EML1: variants seen among roughly 807,000 people sequenced by gnomAD.
EML1 encodes the protein echinoderm microtubule-associated protein-like 1.
A neutral mutation model predicts 110.4 loss-of-function variants in EML1; 27 were observed. The ratio of observed to expected loss-of-function variants is 0.24; its 90% CI spans 0.18 to 0.34. The LOEUF is 0.34. Among genes scored for constraint, EML1 ranks in the 10% least tolerant of loss-of-function variants. The probability of loss-of-function intolerance (pLI) is 1.00; values close to 1 mark genes in which losing one functional copy is unlikely to be tolerated. For missense variants in EML1, 741 were observed against 1,030.9 expected, an observed-to-expected ratio of 0.72 and a Z score of 3.85; for synonymous variants, 344 against 385.8, an observed-to-expected ratio of 0.89 and a Z score of 1.27.
chr14:99,856,538 CT>C (rs2058904860), intron 2 of EML1, among the ~76,000 whole-genome samples: 1 of 152,172 alleles, frequency 6.6e-6, no homozygotes, highest in South Asian at 2.1e-4. Context: ...GAGCAAGTGG[CT>C]TTTGCTTTTT....
At chr14:99,889,621 G>A (rs1263016946) in intron 4 of EML1, among the ~76,000 whole-genome samples, 1 of 152,218 alleles carries the variant, frequency 6.6e-6, no homozygotes, top group African/African-American at 2.4e-5. Flanking sequence ...AGTGGCCTGA[G>A]AGTGGCTGAC....
At position 99,907,629 on chromosome 14, in the gene EML1, T is replaced by C. The variant is rs1424066426; in HGVS notation, c.1009-9T>C. ...GATATAGTCTTCCTGTGAATAACTT[T>C]CTTTTCAGAATGGAGGAACCAATCT... is the stretch of plus-strand genomic sequence containing the variant. On this transcript the variant is annotated splice_polypyrimidine_tract_variant and intron_variant, in intron 9 of 21. Coordinates refer to ENST00000262233, the MANE Select transcript of EML1 (RefSeq NM_004434.3). The C allele has an allele frequency of 6.2e-7, 1 of 1,613,456 alleles. No homozygotes were observed. Among genetic ancestry groups the C allele is most frequent in the Non-Finnish European group, 8.5e-7 (1 of 1,179,638 alleles).
intron 1 of EML1, among the ~76,000 whole-genome samples, chr14:99,821,423 C>T (rs753955336): frequency 5.9e-5 from 9 of 152,134 alleles, no homozygotes; most frequent in African/African-American, 9.7e-5. Flanking sequence ...GAGGCTGAGA[C>T]GGGGGAATCA....
upstream of EML1, among the ~76,000 whole-genome samples, chr14:99,790,482 C>T (rs2057651539): frequency 6.8e-6 from 1 of 148,058 alleles, no homozygotes; most frequent in Non-Finnish European, 1.5e-5. Flanking sequence ...GGACTACAGG[C>T]ACACACCACC....
intron 1 of EML1, among the ~76,000 whole-genome samples, chr14:99,810,486 G>A (rs1337265266): frequency 6.6e-6 from 1 of 152,182 alleles, no homozygotes; most frequent in African/African-American, 2.4e-5. Context: ...CATAGATGAG[G>A]AAACTGAGGG....
intron 1 of EML1, among the ~76,000 whole-genome samples, chr14:99,753,227 C>T (rs1201364243): frequency 2.1e-5 from 3 of 144,742 alleles, no homozygotes; most frequent in East Asian, 4.3e-4. Context: ...CCCCCACTGC[C>T]CCCGCACCTG....
At chr14:99,822,966 C>G (rs2058288889) in intron 1 of EML1, among the ~76,000 whole-genome samples, 1 of 152,160 alleles carries the variant, frequency 6.6e-6, no homozygotes, top group Non-Finnish European at 1.5e-5. Context: ...GTCACCAGTC[C>G]AATCCATCTG....
intron 1 of EML1, among the ~76,000 whole-genome samples, chr14:99,802,163 C>G (rs562693177): frequency 6.6e-6 from 1 of 151,636 alleles, no homozygotes; most frequent in Non-Finnish European, 1.5e-5. Context: ...GCCAGGGAAG[C>G]GTCTAAGAAG....
upstream of EML1, among the ~76,000 whole-genome samples, chr14:99,793,163 C>T (rs2057698933): frequency 6.8e-6 from 1 of 147,776 alleles, no homozygotes; most frequent in Non-Finnish European, 1.5e-5. Context: ...GCTCCCAGGC[C>T]GCCCGGGCCG....
At chr14:99,813,480 C>G (rs934157314) in intron 1 of EML1, among the ~76,000 whole-genome samples, 1 of 152,014 alleles carries the variant, frequency 6.6e-6, no homozygotes, top group Non-Finnish European at 1.5e-5. Flanking sequence ...TGTGGGAGGC[C>G]GAGGCAGAAG....
intron 1 of EML1, among the ~76,000 whole-genome samples, chr14:99,836,158 C>T (rs1459634261): frequency 2.6e-5 from 4 of 152,116 alleles, no homozygotes; most frequent in East Asian, 1.9e-4. Flanking sequence ...TTTTCTAATC[C>T]GTGAACATGG....
At chr14:99,917,874 T>G (rs1254066479) in intron 16 of EML1, 25 bp downstream of exon 16, 2 of 1,612,870 alleles carry the variant, frequency 1.2e-6, no homozygotes. Context: ...ACAGCGCTTG[T>G]GCTTGCAAAG....
At chr14:99,838,918 C>CGCGCGTGTGTGG (rs3071409) in intron 1 of EML1, 1 of 33,614 alleles carries the variant, frequency 3.0e-5, no homozygotes. Flanking sequence ...CGCGCGCGCG[C>CGCGCGTGTGTGG]GTGTGTGTGT....
chr14:99,889,116 C>G (rs967453958), intron 4 of EML1, among the ~76,000 whole-genome samples: 4 of 152,130 alleles, frequency 2.6e-5, no homozygotes, highest in Non-Finnish European at 5.9e-5. Flanking sequence ...GCTGGCCACC[C>G]CCGAAGGAAG....
intron 17 of EML1, among the ~76,000 whole-genome samples, chr14:99,935,113 A>G (rs1344951442): frequency 6.6e-6 from 1 of 152,190 alleles, no homozygotes; most frequent in African/African-American, 2.4e-5. Flanking sequence ...GGGCCCTTCC[A>G]AGGAATTGAG....
chr14:99,923,165 C>G (rs938586765), intron 17 of EML1, among the ~76,000 whole-genome samples: 1 of 152,194 alleles, frequency 6.6e-6, no homozygotes, highest in African/African-American at 2.4e-5. Context: ...TGGTCTTGAA[C>G]TCCTGGGCCC....
intron 3 of EML1, among the ~76,000 whole-genome samples, chr14:99,869,103 T>C (rs536027037): frequency 6.6e-6 from 1 of 152,368 alleles, no homozygotes; most frequent in South Asian, 2.1e-4. Context: ...TGACTTTTTA[T>C]TGTAGCAAAT....
intron 1 of EML1, among the ~76,000 whole-genome samples, chr14:99,825,197 G>T (rs754322560): frequency 2.0e-5 from 3 of 152,004 alleles, no homozygotes; most frequent in Non-Finnish European, 4.4e-5. Context: ...TGTTGCCCAG[G>T]CCAGTCTTGA....
At chr14:99,786,061 C>CAAAAAAAAAAAAA (rs56240053) in intron 1 of EML1, among the ~76,000 whole-genome samples, 2 of 120,386 alleles carry the variant, frequency 1.7e-5, no homozygotes, top group African/African-American at 6.0e-5. Flanking sequence ...CCTGGCTGCT[C>CAAAAAAAAAAAAA]AAAAAAAAAA....
Sources: allele counts gnomAD v4.1 joint callset (sites outside exome capture counted in the v4.1 genomes callset), GRCh38; gene constraint gnomAD v4.1.1; transcripts MANE v1.5; gene names NCBI Gene and HGNC (gene_info 2026-07-23, HGNC 2026-07-21).